The following ACTR2 variants were observed in gnomAD, a reference collection of about 807,000 sequenced individuals.
The protein encoded by ACTR2 is actin-related protein 2.
Under a neutral mutation model 50.2 loss-of-function variants are expected in ACTR2, and 5 were observed. That is an observed-to-expected ratio of 0.10 (90% confidence interval 0.05 to 0.21). ACTR2 has a LOEUF of 0.21. Ranked by LOEUF, ACTR2 falls within the 10% of genes least tolerant of loss-of-function variation. ACTR2 has a pLI of 1.00. For synonymous variants in ACTR2, 140 were observed against 162.9 expected, an observed-to-expected ratio of 0.86 and a Z score of 1.07; for missense variants, 180 against 480.6, an observed-to-expected ratio of 0.37 and a Z score of 5.85.
intron 1 of ACTR2, among the ~76,000 whole-genome samples, chr2:65,230,009 A>G (rs1671605738): frequency 6.6e-6 from 1 of 152,156 alleles, no homozygotes; most frequent in Admixed American, 6.6e-5. Context: ...AGGATAAGGG[A>G]GTGAGGGAAG....
chr2:65,252,653 T>A (rs551015211), intron 4 of ACTR2, among the ~76,000 whole-genome samples: 1 of 151,160 alleles, frequency 6.6e-6, no homozygotes, highest in South Asian at 2.1e-4. Flanking sequence ...TCAAAAAAAA[T>A]ATGTAAATAA....
rs187226683 is a variant in ACTR2 at position 65,233,574 on chromosome 2, G to C, written c.48+5617G>C. Among the ~76,000 whole-genome samples the C allele has an allele frequency of 7.4e-4, 112 of 151,742 alleles. 1 individual carries two copies. The highest frequency in any genetic ancestry group is 1.5e-4 in the Non-Finnish European group (10 of 67,914). On this transcript the variant is annotated intron_variant, in intron 1 of 8. Coordinates refer to ENST00000260641, the MANE Select transcript of ACTR2 (RefSeq NM_005722.4). ...AGCAGGACTACCCCATAGGCAGTGT[G>C]CCCAGAGTAGCCAGTATAATTTTTT...
At chr2:65,228,666 C>G (rs1428889985) in intron 1 of ACTR2, among the ~76,000 whole-genome samples, 1 of 152,134 alleles carries the variant, frequency 6.6e-6, no homozygotes, top group African/African-American at 2.4e-5. Context: ...GTTAATTCCA[C>G]TAGCCTTAGG....
chr2:65,238,173 T>G (rs1671773440), intron 1 of ACTR2, among the ~76,000 whole-genome samples: 1 of 151,752 alleles, frequency 6.6e-6, no homozygotes, highest in African/African-American at 2.4e-5. Flanking sequence ...ACTCTAAATT[T>G]TAAATATTTT....
chr2:65,242,860 A>G (rs1202189830), intron 2 of ACTR2, among the ~76,000 whole-genome samples: 1 of 152,234 alleles, frequency 6.6e-6, no homozygotes, highest in Non-Finnish European at 1.5e-5. Context: ...CACTTCTAAT[A>G]TATATTTTAA....
chr2:65,262,813 A>T (rs913659910), intron 7 of ACTR2, among the ~76,000 whole-genome samples: 1 of 151,840 alleles, frequency 6.6e-6, no homozygotes, highest in African/African-American at 2.4e-5. Flanking sequence ...TTTCAAAAAG[A>T]TTAGCCAGGT....
chr2:65,256,384 T>G (rs982655667), intron 6 of ACTR2, among the ~76,000 whole-genome samples: 1 of 152,186 alleles, frequency 6.6e-6, no homozygotes, highest in African/African-American at 2.4e-5. Context: ...CTTGAATTTT[T>G]AATGAATTAC....
At position 65,269,485 on chromosome 2, in the gene ACTR2, A is replaced by C. The variant is rs570215938; in HGVS notation, c.*751A>C. The C allele has an allele frequency of 6.6e-6, 1 of 152,162 alleles. No homozygotes were observed. The highest frequency in any genetic ancestry group is 1.5e-5 in the Non-Finnish European group (1 of 68,030). 9.4% of individuals were successfully genotyped at this position (152,162 alleles called of 1,614,324 possible). On this transcript the variant is annotated 3_prime_UTR_variant, in exon 9 of 9. Transcript: ENST00000260641. ...AAAGCAAGTGTAGTATTCCATTACT[A>C]TGTGGCTTAGGGATTTATTTGTTTT...
At chr2:65,253,080 A>G (rs562147895) in intron 4 of ACTR2, among the ~76,000 whole-genome samples, 3 of 152,300 alleles carry the variant, frequency 2.0e-5, no homozygotes, top group Admixed American at 6.5e-5. Flanking sequence ...AACACACAGT[A>G]TATGTTATTT....
At chr2:65,236,893 C>G (rs577615921) in intron 1 of ACTR2, among the ~76,000 whole-genome samples, 4 of 152,260 alleles carry the variant, frequency 2.6e-5, no homozygotes, top group South Asian at 4.1e-4. Context: ...TGTTTTATTA[C>G]TGTCATGTAT....
rs1034149560 is a variant in ACTR2, at chr2:65,269,842, T to C, written c.*1108T>C. 6.6e-6 allele frequency: 1 copy of C among 152,248 alleles called. No individual in the cohort carries two copies. Among genetic ancestry groups the C allele is most frequent in the Admixed American group, 6.5e-5 (1 of 15,288 alleles). The allele number at this position is 152,248 out of a possible 1,614,324, so 9.4% of individuals were successfully genotyped here. ...ATTGGGTAATTTTCATTAGTTGTTT[T>C]GTTTGTTTTGATTTGAAACCTGGAA... On this transcript the variant is annotated 3_prime_UTR_variant, in exon 9 of 9. Transcript: ENST00000260641.
intron 7 of ACTR2, among the ~76,000 whole-genome samples, chr2:65,263,619 A>C (rs535875517): frequency 6.6e-6 from 1 of 152,372 alleles, no homozygotes; most frequent in South Asian, 2.1e-4. Flanking sequence ...ACTCATAACA[A>C]GCTATAAACC....
At chr2:65,246,447 TATTAAA>T (rs1353639804) in intron 2 of ACTR2, 71 bp from the exon 3 acceptor site, 2 of 1,011,996 alleles carry the variant, frequency 2.0e-6, no homozygotes, top group African/African-American at 3.3e-5. Flanking sequence ...GTGTCAGAAA[TATTAAA>T]ATTAATTATT....
At chr2:65,256,231 A>G (rs140522638) in intron 6 of ACTR2, among the ~76,000 whole-genome samples, 4 of 152,302 alleles carry the variant, frequency 2.6e-5, no homozygotes, top group South Asian at 4.2e-4. Context: ...TGGTCATTCT[A>G]GAGCATTGCT....
chr2:65,237,688 A>C (rs1671766376), intron 1 of ACTR2, among the ~76,000 whole-genome samples: 1 of 152,126 alleles, frequency 6.6e-6, no homozygotes, highest in Non-Finnish European at 1.5e-5. Context: ...CCATCTCTAC[A>C]AAAAATTTTA....
intron 2 of ACTR2, among the ~76,000 whole-genome samples, chr2:65,240,742 A>G (rs1671826264): frequency 6.6e-6 from 1 of 152,178 alleles, no homozygotes; most frequent in African/African-American, 2.4e-5. Context: ...AATGCCATAG[A>G]ATTTAGGGTC....
At chr2:65,254,406 A>G (rs1184104508) in intron 5 of ACTR2, among the ~76,000 whole-genome samples, 1 of 152,166 alleles carries the variant, frequency 6.6e-6, no homozygotes, top group African/African-American at 2.4e-5. Context: ...AATATTTACT[A>G]TTTTAGTTTA....
At chr2:65,247,762 T>G (rs1671966663) in intron 3 of ACTR2, among the ~76,000 whole-genome samples, 1 of 152,114 alleles carries the variant, frequency 6.6e-6, no homozygotes, top group Non-Finnish European at 1.5e-5. Context: ...AGGAAAGATT[T>G]ATTGACAAAA....
intron 2 of ACTR2, among the ~76,000 whole-genome samples, chr2:65,244,356 TA>T (rs1176991529): frequency 2.4e-5 from 3 of 125,456 alleles, no homozygotes; most frequent in African/African-American, 8.3e-5. Flanking sequence ...TATATATAAT[TA>T]CAGGTATAGA....
Sources: allele counts gnomAD v4.1 joint callset (sites outside exome capture counted in the v4.1 genomes callset), GRCh38; gene constraint gnomAD v4.1.1; transcripts MANE v1.5; gene names NCBI Gene and HGNC (gene_info 2026-07-23, HGNC 2026-07-21).